TEC: variants seen among roughly 807,000 people sequenced by gnomAD.
TEC encodes the protein tyrosine-protein kinase Tec.
In TEC, 72 loss-of-function variants were observed where a neutral mutation model predicts 93.0. The ratio of observed to expected loss-of-function variants is 0.77; its 90% CI spans 0.64 to 0.94. The LOEUF (loss-of-function observed/expected upper bound fraction) is 0.94, where lower values mean the gene tolerates loss of function less well. Among genes scored for constraint, TEC ranks in the 40% least tolerant of loss-of-function variants. The pLI is 0.00. For missense variants in TEC, 630 were observed against 757.9 expected, an observed-to-expected ratio of 0.83 and a Z score of 1.98; for synonymous variants, 249 against 247.7, an observed-to-expected ratio of 1.01 and a Z score of -0.05.
rs1294958723 is a variant in TEC, at chr4:48,265,733, G to A, written c.-46+4019C>T. 7.9e-5 allele frequency among the ~76,000 whole-genome samples: 12 copies of A among 152,052 alleles called. No homozygotes were observed. In the East Asian group the frequency reaches 1.5e-3, roughly 20 times the overall value. On this transcript the variant is annotated intron_variant, in intron 1 of 17. Transcript: ENST00000381501. The stretch of plus-strand genomic sequence containing the variant: ...TCACCATGTTGTCCAGACTGGTCTC[G>A]AACTCCTGACCTCAGGTGATCGGCC...
At chr4:48,139,847 C>G (rs1259686607) in intron 15 of TEC, among the ~76,000 whole-genome samples, 1 of 152,220 alleles carries the variant, frequency 6.6e-6, no homozygotes, top group Admixed American at 6.5e-5. Context: ...GCACAAACAT[C>G]CTTTGCTATG....
rs75222347 is a variant in TEC, at chr4:48,196,271, C to T, written c.139-20085G>A. Among the ~76,000 whole-genome samples the T allele has an allele frequency of 6.0e-3, 907 of 152,268 alleles. 2 individuals carry two copies. Among genetic ancestry groups the T allele is most frequent in the African/African-American group, 0.021 (870 of 41,536 alleles). ...TCTCCCTGGGCTAAGAACCAGCAGG[C>T]CTCTATAATAGAGCTTACTGCTTAA... On this transcript the variant is annotated intron_variant, in intron 2 of 17. Coordinates refer to ENST00000381501, the MANE Select transcript of TEC (RefSeq NM_003215.3).
intron 1 of TEC, among the ~76,000 whole-genome samples, chr4:48,241,007 T>C (rs1486829108): frequency 1.3e-5 from 2 of 152,162 alleles, no homozygotes; most frequent in East Asian, 3.8e-4. Flanking sequence ...TTCTCATAGA[T>C]GATTTGTAAC....
intron 14 of TEC, among the ~76,000 whole-genome samples, chr4:48,143,703 G>C (rs1280538761): frequency 6.6e-6 from 1 of 152,162 alleles, no homozygotes; most frequent in Non-Finnish European, 1.5e-5. Context: ...AGAGAGCATA[G>C]CATAGTAGTT....
At chr4:48,146,097 G>A (rs1014624738) in intron 12 of TEC, among the ~76,000 whole-genome samples, 1 of 152,236 alleles carries the variant, frequency 6.6e-6, no homozygotes, top group Admixed American at 6.5e-5. Flanking sequence ...ATGTTAACAT[G>A]ATAATGCTTA....
At chr4:48,179,668 C>T (rs932724956) in intron 2 of TEC, among the ~76,000 whole-genome samples, 2 of 151,404 alleles carry the variant, frequency 1.3e-5, no homozygotes, top group African/African-American at 2.4e-5. Flanking sequence ...GGATTACAGG[C>T]GTGAGCACTA....
At chr4:48,196,029 T>C (rs1722290166) in intron 2 of TEC, among the ~76,000 whole-genome samples, 3 of 152,222 alleles carry the variant, frequency 2.0e-5, no homozygotes, top group African/African-American at 7.2e-5. Flanking sequence ...AGATACCACA[T>C]TATAGCACCT....
At chr4:48,237,516 T>C (rs1351152572) in intron 1 of TEC, among the ~76,000 whole-genome samples, 4 of 152,030 alleles carry the variant, frequency 2.6e-5, no homozygotes, top group Non-Finnish European at 4.4e-5. Flanking sequence ...TGGAATGGAC[T>C]ATAGTAAATA....
intron 2 of TEC, among the ~76,000 whole-genome samples, chr4:48,198,800 A>G (rs1315216188): frequency 2.0e-5 from 3 of 152,212 alleles, no homozygotes; most frequent in Non-Finnish European, 2.9e-5. Context: ...TAAATTTAAG[A>G]AAAAAGAAAA....
At chr4:48,186,031 C>T (rs992404908) in intron 2 of TEC, among the ~76,000 whole-genome samples, 3 of 152,190 alleles carry the variant, frequency 2.0e-5, no homozygotes, top group Admixed American at 1.3e-4. Context: ...CTGGTTTTTG[C>T]ATTTTTTGGT....
chr4:48,168,740 A>T, intron 5 of TEC, 114 bp from the exon 6 acceptor site: 1 of 960,440 alleles, frequency 1.0e-6, no homozygotes, highest in Non-Finnish European at 1.6e-6. Context: ...CAAGCAGCAC[A>T]CTCTGACCAA....
At chr4:48,203,358 C>G (rs962429257) in intron 2 of TEC, among the ~76,000 whole-genome samples, 11 of 143,278 alleles carry the variant, frequency 7.7e-5, no homozygotes, top group Admixed American at 4.1e-4. Flanking sequence ...GAGCAAGACT[C>G]TGTCTCAAAA....
chr4:48,169,837 G>A (rs929011194), intron 5 of TEC, among the ~76,000 whole-genome samples: 2 of 152,162 alleles, frequency 1.3e-5, no homozygotes, highest in South Asian at 4.1e-4. Context: ...ACAGACTGAA[G>A]CCACTACTGA....
At chr4:48,158,221 A>G (rs1015848804) in intron 8 of TEC, among the ~76,000 whole-genome samples, 1 of 152,352 alleles carries the variant, frequency 6.6e-6, no homozygotes, top group Admixed American at 6.5e-5. Context: ...AGAACAAAAA[A>G]GACAATACAA....
At chr4:48,235,726 A>G (rs1445335186) in intron 1 of TEC, among the ~76,000 whole-genome samples, 2 of 152,252 alleles carry the variant, frequency 1.3e-5, no homozygotes, top group Non-Finnish European at 2.9e-5. Context: ...GAGTATCCCT[A>G]TGGAATTACT....
At chr4:48,161,695 C>G (rs6817928) in intron 8 of TEC, among the ~76,000 whole-genome samples, 1 of 150,672 alleles carries the variant, frequency 6.6e-6, no homozygotes, top group Non-Finnish European at 1.5e-5. Flanking sequence ...TGCAAAGTAT[C>G]GCTCCTGGGT....
intron 1 of TEC, among the ~76,000 whole-genome samples, chr4:48,242,910 T>C (rs1723957067): frequency 6.6e-6 from 1 of 152,172 alleles, no homozygotes; most frequent in South Asian, 2.1e-4. Context: ...ACTTACAAAC[T>C]CTGTGGGTCT....
chr4:48,139,793 C>T (rs1719585569), intron 15 of TEC, among the ~76,000 whole-genome samples: 1 of 152,186 alleles, frequency 6.6e-6, no homozygotes, highest in South Asian at 2.1e-4. Context: ...TGTGAATATA[C>T]CATTAATTTC....
At chr4:48,223,836 G>A (rs1723346301) in intron 2 of TEC, among the ~76,000 whole-genome samples, 1 of 152,106 alleles carries the variant, frequency 6.6e-6, no homozygotes, top group Non-Finnish European at 1.5e-5. Context: ...CTTTCCTTCT[G>A]GAGTCTGGAA....
Sources: allele counts gnomAD v4.1 joint callset (sites outside exome capture counted in the v4.1 genomes callset), GRCh38; gene constraint gnomAD v4.1.1; transcripts MANE v1.5; gene names NCBI Gene and HGNC (gene_info 2026-07-23, HGNC 2026-07-21).